SDF4: variants seen among roughly 807,000 people sequenced by gnomAD.
SDF4 encodes stromal cell derived factor 4, also known as 45 kDa calcium-binding protein.
In SDF4, 22 loss-of-function variants were observed where a neutral mutation model predicts 34.2. The ratio of observed to expected loss-of-function variants is 0.64; its 90% CI spans 0.46 to 0.92. SDF4 has a LOEUF of 0.92. SDF4 is among the 40% of genes least tolerant of loss of function. The pLI is 0.00. For missense variants in SDF4, 447 were observed against 499.9 expected (o/e 0.89, Z 1.01); for synonymous variants, 236 against 203.1 (o/e 1.16, Z -1.38).
intron 4 of SDF4, among the ~76,000 whole-genome samples, chr1:1,221,610 C>G (rs1208816693): frequency 6.6e-6 from 1 of 151,666 alleles, no homozygotes; most frequent in African/African-American, 2.4e-5. Flanking sequence ...TGCACTCCAG[C>G]CTGGGCAACA....
intron 4 of SDF4, chr1:1,219,532 G>A (rs3737724): frequency 7.1e-6 from 7 of 991,376 alleles, no homozygotes; most frequent in Non-Finnish European, 8.4e-6. Flanking sequence ...ACGTCACAGG[G>A]AGGAAAACAC....
chr1:1,226,231 A>G (rs1638303006), intron 2 of SDF4, among the ~76,000 whole-genome samples: 1 of 152,194 alleles, frequency 6.6e-6, no homozygotes, highest in African/African-American at 2.4e-5. Context: ...CGGGAAGGAA[A>G]GCCTGGAGCA....
intron 1 of SDF4, among the ~76,000 whole-genome samples, chr1:1,229,474 C>A (rs984613774): frequency 6.6e-6 from 1 of 152,204 alleles, no homozygotes; most frequent in Non-Finnish European, 1.5e-5. Context: ...AGTCTCCCAA[C>A]GTGCTGGGAT....
At position 1,229,083 on chromosome 1, in the gene SDF4, CACTGCCTTCTCCAGACCACACGT is replaced by C. The variant is rs1638411057; in HGVS notation, c.-174-160_-174-138del. ...ATCGCCTTCTCCAGACCACACGTGG[CACTGCCTTCTCCAGACCACACGT>C]GGCATTGTTTTCTCCGGGCCACACG... On this transcript the variant is annotated intron_variant, in intron 1 of 6. Transcript: ENST00000360001. 1.3e-5 allele frequency: 5 copies of C among 399,896 alleles called. No individual in the cohort carries two copies. In the South Asian group the frequency reaches 2.0e-4, roughly 16 times the overall value. The allele number at this position is 399,896 out of a possible 1,614,324, so 24.8% of individuals were successfully genotyped here. A position where few individuals can be genotyped will look rare whatever the true frequency, so the allele number is the denominator to read the frequency against.
chr1:1,218,551 G>A lies in SDF4; in HGVS notation c.798C>T (p.Asp266=), dbSNP rs781676433. 3.1e-6 allele frequency: 5 copies of A among 1,614,080 alleles called. No individual in the cohort carries two copies. The South Asian group carries it at 5.5e-5, about 18-fold the overall frequency. Residue 266 remains aspartate (D), a synonymous_variant, in exon 6 of 7, where the codon GAC becomes GAT. Coordinates refer to ENST00000360001, the MANE Select transcript of SDF4 (RefSeq NM_016176.6). The surrounding 1 kb of genome is among the most constrained non-coding windows in gnomAD (Gnocchi z 7.9). The stretch of plus-strand genomic sequence containing the variant: ...TGTCTTTCACCCAGTTGTCGTCAAT[G>A]TCCTGGCCCTGCTGGTTCTCCACGG... The part of the protein sequence containing the change: ...VGTVENQQGQ[D]IDDNWVKDRK...
chr1:1,225,648 G>A (rs1007458594), intron 2 of SDF4, among the ~76,000 whole-genome samples: 22 of 152,130 alleles, frequency 1.4e-4, no homozygotes, highest in African/African-American at 4.8e-4. Context: ...TGGGTCTCAC[G>A]TGGACACGTG....
At position 1,218,724 on chromosome 1, in the gene SDF4, C is replaced by A; in HGVS notation, c.715+45G>T. 3.1e-6 allele frequency: 5 copies of A among 1,611,954 alleles called. No individual in the cohort carries two copies. In the South Asian group the frequency reaches 3.3e-5, roughly 11 times the overall value. On this transcript the variant is annotated intron_variant, in intron 5 of 6. Transcript: ENST00000360001. The surrounding 1 kb of genome is among the most constrained non-coding windows in gnomAD (Gnocchi z 7.9). ...CCGACGATGCCCGGCCCCTGCCAGT[C>A]GGTCCTGGGTCCTGGCGTGCCGGCC...
chr1:1,220,829 C>T (rs539104939), intron 4 of SDF4: 15 of 1,123,616 alleles, frequency 1.3e-5, no homozygotes, highest in African/African-American at 4.8e-5. Flanking sequence ...CCAAGCACAT[C>T]GCCAACAGGC....
chr1:1,217,543 T>C lies in SDF4; in HGVS notation c.1037A>G (p.Asp346Gly). Reference protein sequence around the residue: ...SEFFTGSKLVDYARSVHEEF With the variant: ...SEFFTGSKLVGYARSVHEEF ...CTCCTCGTGCACGCTGCGCGCGTAG[T>C]CCACCAGCTTGCTGCCCGTGAAGAA... The change falls in exon 7 of 7, where the codon GAC (aspartate) becomes GGC (glycine). Residue 346 changes from aspartate to glycine, a missense_variant. Transcript: ENST00000360001. The surrounding 1 kb of genome is among the most constrained non-coding windows in gnomAD (Gnocchi z 8.5). The C allele has an allele frequency of 1.2e-6, 2 of 1,612,648 alleles. No individual in the cohort carries two copies. The highest frequency in any genetic ancestry group is 1.7e-6 in the Non-Finnish European group (2 of 1,179,618).
At chr1:1,227,693 C>A (rs1194540691) in intron 2 of SDF4, among the ~76,000 whole-genome samples, 2 of 152,204 alleles carry the variant, frequency 1.3e-5, no homozygotes, top group African/African-American at 2.4e-5. Flanking sequence ...CCGCAGGGCA[C>A]CCCGGCCGTG....
intron 1 of SDF4, among the ~76,000 whole-genome samples, chr1:1,230,985 T>C (rs559161496): frequency 4.6e-5 from 7 of 152,348 alleles, no homozygotes; most frequent in African/African-American, 1.7e-4. Flanking sequence ...CATATCTTGA[T>C]GAGTTACACG....
chr1:1,229,296 C>G (rs943366289), intron 1 of SDF4, among the ~76,000 whole-genome samples: 4 of 152,192 alleles, frequency 2.6e-5, no homozygotes, highest in African/African-American at 7.2e-5. Context: ...TCAGGTGATG[C>G]TCTGGGCTCA....
chr1:1,223,786 G>GCCCCCCCCCCCCC (rs780590206), intron 3 of SDF4, 46 bp downstream of exon 3: 3 of 585,242 alleles, frequency 5.1e-6, no homozygotes, highest in Non-Finnish European at 5.9e-6. Context: ...CCATGGCCCT[G>GCCCCCCCCCCCCC]CCCGCCCCGC....
At chr1:1,219,247 C>G (rs1649755763) in intron 4 of SDF4, 2 of 1,191,934 alleles carry the variant, frequency 1.7e-6, no homozygotes, top group South Asian at 1.6e-5. Context: ...GGCCCTGACT[C>G]CCCACAGACA....
intron 1 of SDF4, among the ~76,000 whole-genome samples, chr1:1,229,979 C>T (rs1460141006): frequency 6.6e-6 from 1 of 152,216 alleles, no homozygotes; most frequent in Non-Finnish European, 1.5e-5. Flanking sequence ...ACGCCAAGGC[C>T]GAGGAGCCCA....
At chr1:1,219,420 G>A (rs936374173) in intron 4 of SDF4, 15 of 1,012,848 alleles carry the variant, frequency 1.5e-5, no homozygotes, top group East Asian at 1.1e-4. Context: ...CCCCACACCC[G>A]CGCCTGCCCC....
Position 1,230,500 on chromosome 1 carries a change from G to A in SDF4, c.-175+1392C>T, listed in dbSNP as rs371474367. Among the ~76,000 whole-genome samples, 339 of 150,716 alleles carry A rather than the reference G, an allele frequency of 2.2e-3. 17 individuals carry two copies. The South Asian group carries it at 0.067, about 30-fold the overall frequency. ...TTCTGAGACAGAGTCTCACTCTGTC[G>A]CCCAGGCTGGAGTGCAGTGGTGCAG... On this transcript the variant is annotated intron_variant, in intron 1 of 6. Transcript: ENST00000360001.
chr1:1,230,306 T>C (rs1203454666), intron 1 of SDF4, among the ~76,000 whole-genome samples: 1 of 152,072 alleles, frequency 6.6e-6, no homozygotes, highest in African/African-American at 2.4e-5. Context: ...CCCTGGGTAA[T>C]ATTAAACGAA....
chr1:1,218,387 A>T lies in SDF4; in HGVS notation c.891+71T>A. On this transcript the variant is annotated intron_variant, in intron 6 of 6. Transcript: ENST00000360001. This position sits in a 1 kb window ranked among gnomAD's most constrained non-coding sequence, Gnocchi z 7.9. ...CAGCACAGCTTCCTGCCTCAGGCCC[A>T]GATCCACCAGCCCCTCCCGCCACAG... The T allele has an allele frequency of 6.6e-7, 1 of 1,518,218 alleles. No individual in the cohort carries two copies. Among genetic ancestry groups the T allele is most frequent in the South Asian group, 1.2e-5 (1 of 81,710 alleles). 94.0% of individuals were successfully genotyped at this position (1,518,218 alleles called of 1,614,324 possible).
Sources: gnomAD v4.1 joint callset for allele counts (sites outside exome capture counted in the v4.1 genomes callset) on GRCh38, gnomAD v4.1.1 for gene constraint, Gnocchi (gnomAD v3.1) non-coding constraint, MANE v1.5 for transcripts, NCBI Gene and HGNC (gene_info 2026-07-23, HGNC 2026-07-21) for gene names.